ZCCHC8: variants seen among roughly 807,000 people sequenced by gnomAD.
ZCCHC8 encodes zinc finger CCHC domain-containing protein 8.
ZCCHC8 carries 27 observed loss-of-function variants against 70.6 expected under a neutral mutation model. That is an observed-to-expected ratio of 0.38 (90% CI 0.28 to 0.53). The LOEUF is 0.53. Among genes scored for constraint, ZCCHC8 ranks in the 20% least tolerant of loss-of-function variants. The probability of loss-of-function intolerance (pLI) is 0.81; values close to 1 mark genes in which losing one functional copy is unlikely to be tolerated. For missense variants in ZCCHC8, 737 were observed against 876.9 expected, an observed-to-expected ratio of 0.84 and a Z score of 2.01; for synonymous variants, 293 against 317.4, an observed-to-expected ratio of 0.92 and a Z score of 0.82.
At chr12:122,476,647 T>A (rs1957424329) in intron 13 of ZCCHC8, among the ~76,000 whole-genome samples, 1 of 150,476 alleles carries the variant, frequency 6.6e-6, no homozygotes, top group African/African-American at 2.4e-5. Flanking sequence ...GAGCCCCTAG[T>A]ACAAAACTGA....
chr12:122,498,937 C>A, intron 1 of ZCCHC8, 68 bp from the exon 2 acceptor site: 1 of 1,392,134 alleles, frequency 7.2e-7, no homozygotes, highest in East Asian at 2.3e-5. Context: ...ACTACTACTT[C>A]TCTCACTTTT....
chr12:122,477,693 A>G, intron 13 of ZCCHC8, 148 bp downstream of exon 13: 1 of 649,436 alleles, frequency 1.5e-6, no homozygotes, highest in Non-Finnish European at 2.7e-6. Context: ...CGGGAGGCTG[A>G]GGCGGGAGAA....
At position 122,483,888 on chromosome 12, in the gene ZCCHC8, C is replaced by T. The variant is rs1957585177; in HGVS notation, c.502-325G>A. The T allele has an allele frequency of 8.6e-6, 2 of 232,732 alleles. No individual in the cohort carries two copies. Among genetic ancestry groups the T allele is most frequent in the Non-Finnish European group, 1.7e-5 (2 of 119,858 alleles). 14.4% of individuals were successfully genotyped at this position (232,732 alleles called of 1,614,324 possible). A position where few individuals can be genotyped will look rare whatever the true frequency, so the allele number is the denominator to read the frequency against. On this transcript the variant is annotated intron_variant, in intron 5 of 13. Coordinates refer to ENST00000633063, the MANE Select transcript of ZCCHC8 (RefSeq NM_017612.5). This position sits in a 1 kb window ranked among gnomAD's most constrained non-coding sequence, Gnocchi z 4.4. ...TCATTGCTTCTCTTTGCAAGACATG[C>T]AGACCCTTTAGTTATTGTTTCCATT... is the stretch of plus-strand genomic sequence containing the variant.
At chr12:122,488,035 A>ATT (rs568286934) in intron 5 of ZCCHC8, among the ~76,000 whole-genome samples, 2 of 141,382 alleles carry the variant, frequency 1.4e-5, no homozygotes, top group Non-Finnish European at 3.1e-5. Context: ...CACTTGGCTA[A>ATT]TTTTTTTTTT....
Position 122,474,135 on chromosome 12 carries a change from T to C in ZCCHC8, c.1486A>G (p.Thr496Ala). The C allele has an allele frequency of 6.6e-7, 1 of 1,507,070 alleles. No individual in the cohort carries two copies. The highest frequency in any genetic ancestry group is 1.4e-5 in the South Asian group (1 of 71,392). The allele number at this position is 1,507,070 out of a possible 1,614,324, so 93.4% of individuals were successfully genotyped here. ...CTGGTCTGGGGTGAGTCACTGGGAG[T>C]CAGCGGCGGGGTGCCCTTTGGGAGT... is the stretch of plus-strand genomic sequence containing the variant. ...PPLPKGTPPL[T>A]PSDSPQTRTA... Residue 496 changes from threonine (T) to alanine (A), a missense_variant, in exon 14 of 14, where the codon ACT becomes GCT. Coordinates refer to ENST00000633063, the MANE Select transcript of ZCCHC8 (RefSeq NM_017612.5).
intron 4 of ZCCHC8, among the ~76,000 whole-genome samples, chr12:122,490,178 C>T (rs1374203174): frequency 2.6e-5 from 4 of 152,130 alleles, no homozygotes; most frequent in Non-Finnish European, 5.9e-5. Flanking sequence ...TAAAAGGAAT[C>T]CATCTTTTAT....
Position 122,500,845 on chromosome 12 carries a change from G to C in ZCCHC8, c.-5C>G, listed in dbSNP as rs1415948791. The C allele has an allele frequency of 6.4e-7, 1 of 1,563,986 alleles. No individual in the cohort carries two copies. Among genetic ancestry groups the C allele is most frequent in the South Asian group, 1.2e-5 (1 of 85,054 alleles). On this transcript the variant is annotated 5_prime_UTR_variant, in exon 1 of 14. Transcript: ENST00000633063. The surrounding 1 kb of genome is among the most constrained non-coding windows in gnomAD (Gnocchi z 4.8). ...AAAATACACCTCTGCGGCCATTTTG[G>C]GCTGTGGAAAAGATTCGAGAAGAGG...
At chr12:122,489,852 A>T (rs1220232254) in intron 4 of ZCCHC8, among the ~76,000 whole-genome samples, 1 of 152,178 alleles carries the variant, frequency 6.6e-6, no homozygotes, top group East Asian at 1.9e-4. Flanking sequence ...AATCTTTAAA[A>T]ATTGTACAGA....
intron 11 of ZCCHC8, 78 bp from the exon 12 acceptor site, chr12:122,478,370 G>GT (rs1244767848): frequency 2.1e-6 from 2 of 949,412 alleles, no homozygotes; most frequent in African/African-American, 1.7e-5. Context: ...CTCAAAGGAG[G>GT]TACAGTGGAG....
chr12:122,478,514 C>A (rs774340714), intron 11 of ZCCHC8: 1 of 473,528 alleles, frequency 2.1e-6, no homozygotes. Flanking sequence ...CTGACACAAT[C>A]ACTTGGCCAA....
chr12:122,483,567 C>T lies in ZCCHC8; in HGVS notation c.502-4G>A. On this transcript the variant is annotated splice_polypyrimidine_tract_variant and splice_region_variant and intron_variant, in intron 5 of 13. Transcript: ENST00000633063. The surrounding 1 kb of genome is among the most constrained non-coding windows in gnomAD (Gnocchi z 4.4). ...AATACAGGACACTTCCTACAACCTG[C>T]AGAAAACAAGTCAAAAAATATTGCT... 1 of 1,564,558 alleles carries T rather than the reference C, an allele frequency of 6.4e-7. No homozygotes were observed. The highest frequency in any genetic ancestry group is 8.7e-7 in the Non-Finnish European group (1 of 1,152,600).
rs1486419131 is a variant in ZCCHC8, at chr12:122,500,383, G to T, written c.199+259C>A. 1.9e-6 allele frequency: 1 copy of T among 515,978 alleles called. No homozygotes were observed. Among genetic ancestry groups the T allele is most frequent in the Non-Finnish European group, 3.5e-6 (1 of 289,560 alleles). 32.0% of individuals were successfully genotyped at this position (515,978 alleles called of 1,614,324 possible). ...AGCAGCCTAAAATAACCCTAAACAC[G>T]GCACCCGGGTGGGAGGCAGGAGTGG... On this transcript the variant is annotated intron_variant, in intron 1 of 13. Coordinates refer to ENST00000633063, the MANE Select transcript of ZCCHC8 (RefSeq NM_017612.5). This position sits in a 1 kb window ranked among gnomAD's most constrained non-coding sequence, Gnocchi z 4.8.
At chr12:122,490,788 C>T (rs1000244126) in intron 3 of ZCCHC8, 6 of 339,954 alleles carry the variant, frequency 1.8e-5, no homozygotes, top group Non-Finnish European at 3.2e-5. Context: ...CAGTGATTGG[C>T]ATAACAACTG....
intron 8 of ZCCHC8, 142 bp from the exon 9 acceptor site, chr12:122,482,229 A>C (rs1566292287): frequency 3.5e-6 from 3 of 868,544 alleles, no homozygotes; most frequent in Non-Finnish European, 4.8e-6. Context: ...AAGAGGGTGA[A>C]TATTTTAGAA....
At position 122,500,684 on chromosome 12, in the gene ZCCHC8, G is replaced by A. The variant is rs1303803663; in HGVS notation, c.157C>T (p.Leu53Phe). The A allele has an allele frequency of 3.2e-6, 5 of 1,582,878 alleles. No homozygotes were observed. The East Asian group carries it at 1.2e-4, about 37-fold the overall frequency. ...TCGATGGTCTCCTCGCACTGCCGAA[G>A]CCGCTCCCGTAGCTCCGCGTCGCCG... ...GVGDAELRER[L>F]RQCEETIEQL... Residue 53 changes from leucine to phenylalanine, a missense_variant, in exon 1 of 14, where the codon CTT (leucine) becomes TTT (phenylalanine). Physicochemically the swap from Leu to Phe is conservative, Grantham distance 22. Coordinates refer to ENST00000633063, the MANE Select transcript of ZCCHC8 (RefSeq NM_017612.5). The surrounding 1 kb of genome is among the most constrained non-coding windows in gnomAD (Gnocchi z 4.8).
Position 122,481,397 on chromosome 12 carries a change from C to G in ZCCHC8, c.1018+125G>C. On this transcript the variant is annotated intron_variant, in intron 10 of 13. Coordinates refer to ENST00000633063, the MANE Select transcript of ZCCHC8 (RefSeq NM_017612.5). ...GTAAAATTTACCAAGGAAACATCAT[C>G]ATGATATTTTTTAGTTAGCACACAT... The G allele has an allele frequency of 5.0e-6, 6 of 1,204,822 alleles. No homozygotes were observed. The East Asian group carries it at 9.8e-5, about 20-fold the overall frequency. 74.6% of individuals were successfully genotyped at this position (1,204,822 alleles called of 1,614,324 possible). A position where few individuals can be genotyped will look rare whatever the true frequency, so the allele number is the denominator to read the frequency against.
chr12:122,481,967 T>G lies in ZCCHC8; in HGVS notation c.853A>C (p.Arg285=), dbSNP rs1957543421. ...TACCTAATAACTCCTGGCTTGAATCTTCCAAATCTTTCTTCTACTTCTTCT... is the reference window on the plus strand; with the variant it reads ...TACCTAATAACTCCTGGCTTGAATCGTCCAAATCTTTCTTCTACTTCTTCT... ...HAEEVEERFG[R]FKPGVISEEL... Residue 285 remains arginine, a synonymous_variant, in exon 9 of 14, where the codon AGA becomes CGA. Coordinates refer to ENST00000633063, the MANE Select transcript of ZCCHC8 (RefSeq NM_017612.5). 6.2e-7 allele frequency: 1 copy of G among 1,613,106 alleles called. No homozygotes were observed. The highest frequency in any genetic ancestry group is 1.3e-5 in the African/African-American group (1 of 74,914).
chr12:122,500,745 C>A lies in ZCCHC8; in HGVS notation c.96G>T (p.Lys32Asn). 1 of 1,587,240 alleles carries A rather than the reference C, an allele frequency of 6.3e-7. No homozygotes were observed. Among genetic ancestry groups the A allele is most frequent in the East Asian group, 2.3e-5 (1 of 43,432 alleles). ...SIPKPVHTRF[K>N]DDDGDEEDEN... ...CGTCCTCCTCGTCGCCGTCGTCGTC[C>A]TTGAAGCGAGTGTGAACGGGCTTCG... is the stretch of plus-strand genomic sequence containing the variant. The change falls in exon 1 of 14, where the codon AAG becomes AAT. Residue 32 changes from lysine to asparagine, a missense_variant. Lys to Asn is a moderately conservative substitution (Grantham distance 94). Coordinates refer to ENST00000633063, the MANE Select transcript of ZCCHC8 (RefSeq NM_017612.5). This position sits in a 1 kb window ranked among gnomAD's most constrained non-coding sequence, Gnocchi z 4.8.
chr12:122,480,325 T>C lies in ZCCHC8; in HGVS notation c.1019-14A>G, dbSNP rs1216143696. ...CATCAGTGCCATCTATTACAGACCA[T>C]AAAAAGTGTTAATATTGCTAAATGT... is the stretch of plus-strand genomic sequence containing the variant. On this transcript the variant is annotated splice_polypyrimidine_tract_variant and intron_variant, in intron 10 of 13. Coordinates refer to ENST00000633063, the MANE Select transcript of ZCCHC8 (RefSeq NM_017612.5). 8 of 1,596,570 alleles carry C rather than the reference T, an allele frequency of 5.0e-6. No homozygotes were observed. In the African/African-American group the frequency reaches 8.1e-5, roughly 16 times the overall value.
Sources: gnomAD v4.1 joint callset for allele counts (sites outside exome capture counted in the v4.1 genomes callset) on GRCh38, gnomAD v4.1.1 for gene constraint, Gnocchi (gnomAD v3.1) non-coding constraint, MANE v1.5 for transcripts, NCBI Gene and HGNC (gene_info 2026-07-23, HGNC 2026-07-21) for gene names.